Variants in FRAS1 observed in about 807,000 individuals in gnomAD.
FRAS1 encodes Fraser extracellular matrix complex subunit 1, also known as extracellular matrix organizing protein FRAS1.
Under a neutral mutation model 435.2 loss-of-function variants are expected in FRAS1, and 290 were observed. That is an observed-to-expected ratio of 0.67 (90% confidence interval 0.61 to 0.73). FRAS1 has a LOEUF of 0.73. Among genes scored for constraint, FRAS1 ranks in the 30% least tolerant of loss-of-function variants. The pLI, the probability that FRAS1 is intolerant of heterozygous loss-of-function variation, is 0.00. For synonymous variants in FRAS1, 1,800 were observed against 1,851.0 expected, an observed-to-expected ratio of 0.97 and a Z score of 0.71; for missense variants, 4,860 against 5,001.5, an observed-to-expected ratio of 0.97 and a Z score of 0.85.
At chr4:78,489,976 A>AG (rs1265790406) in intron 59 of FRAS1, among the ~76,000 whole-genome samples, 2 of 150,366 alleles carry the variant, frequency 1.3e-5, no homozygotes, top group Non-Finnish European at 3.0e-5. Flanking sequence ...AACAAAAAAA[A>AG]AAAAAAAAAA....
At chr4:78,164,761 C>T (rs575135166) in intron 2 of FRAS1, among the ~76,000 whole-genome samples, 4 of 152,214 alleles carry the variant, frequency 2.6e-5, no homozygotes, top group East Asian at 1.9e-4. Flanking sequence ...CTTTCATCAT[C>T]GTTTTCATGA....
At chr4:78,257,298 A>G (rs1259550823) in intron 6 of FRAS1, among the ~76,000 whole-genome samples, 2 of 152,178 alleles carry the variant, frequency 1.3e-5, no homozygotes, top group Non-Finnish European at 2.9e-5. Flanking sequence ...TTACACATTT[A>G]TATATAATAC....
chr4:78,532,909 A>G (rs1242285678), intron 70 of FRAS1, among the ~76,000 whole-genome samples: 2 of 152,180 alleles, frequency 1.3e-5, no homozygotes, highest in African/African-American at 2.4e-5. Flanking sequence ...TTGTTTACAA[A>G]TCTTAACTAT....
chr4:78,058,967 AG>A (rs1578097076), intron 1 of FRAS1, among the ~76,000 whole-genome samples: 1 of 152,150 alleles, frequency 6.6e-6, no homozygotes, highest in South Asian at 2.1e-4. Context: ...GTGCTTAGGG[AG>A]GGGGAAGGGA....
chr4:78,458,781 C>G (rs989727060), intron 47 of FRAS1, among the ~76,000 whole-genome samples: 1 of 152,156 alleles, frequency 6.6e-6, no homozygotes, highest in African/African-American at 2.4e-5. Context: ...AGATCAAATA[C>G]TTGATCTTAA....
At chr4:78,112,702 C>G (rs1353554778) in intron 2 of FRAS1, among the ~76,000 whole-genome samples, 1 of 151,980 alleles carries the variant, frequency 6.6e-6, no homozygotes, top group African/African-American at 2.4e-5. Context: ...AATGTCTATG[C>G]TTCATAGATA....
At chr4:78,147,639 C>G (rs1374376449) in intron 2 of FRAS1, among the ~76,000 whole-genome samples, 1 of 152,146 alleles carries the variant, frequency 6.6e-6, no homozygotes, top group Admixed American at 6.5e-5. Flanking sequence ...TGAGTTCATC[C>G]TTCAGTTCTG....
At chr4:78,150,981 A>G (rs1720633913) in intron 2 of FRAS1, among the ~76,000 whole-genome samples, 2 of 152,178 alleles carry the variant, frequency 1.3e-5, no homozygotes, top group South Asian at 2.1e-4. Context: ...ACCTTATAAT[A>G]TTTATTAAGT....
chr4:78,473,199 A>C (rs947695053), intron 52 of FRAS1, among the ~76,000 whole-genome samples: 2 of 152,192 alleles, frequency 1.3e-5, no homozygotes, highest in African/African-American at 4.8e-5. Context: ...TAACAGCATA[A>C]GAGATATTTA....
intron 38 of FRAS1, among the ~76,000 whole-genome samples, chr4:78,436,251 A>T (rs1313461516): frequency 6.6e-6 from 1 of 152,232 alleles, no homozygotes; most frequent in Non-Finnish European, 1.5e-5. Flanking sequence ...TGGTCAATAA[A>T]CATATGAAGA....
At chr4:78,071,836 A>C (rs910227661) in intron 2 of FRAS1, 5 of 152,230 alleles carry the variant, frequency 3.3e-5, no homozygotes, top group African/African-American at 1.2e-4. Context: ...TACTTAAAAT[A>C]CAGCCTCATG....
chr4:78,502,315 G>A (rs1372512381), intron 61 of FRAS1, among the ~76,000 whole-genome samples: 3 of 152,164 alleles, frequency 2.0e-5, no homozygotes, highest in African/African-American at 7.2e-5. Flanking sequence ...TGGGCAGTAT[G>A]GCCATTTTCA....
intron 2 of FRAS1, among the ~76,000 whole-genome samples, chr4:78,225,006 A>G (rs1291869249): frequency 3.9e-5 from 6 of 152,188 alleles, no homozygotes; most frequent in Non-Finnish European, 7.3e-5. Flanking sequence ...AATCCAGTGC[A>G]TGATAAATTG....
At chr4:78,335,337 G>T (rs1285502789) in intron 19 of FRAS1, among the ~76,000 whole-genome samples, 1 of 152,124 alleles carries the variant, frequency 6.6e-6, no homozygotes, top group Non-Finnish European at 1.5e-5. Flanking sequence ...GCCTCTTCTC[G>T]TGGCTAATTG....
chr4:78,164,515 A>T (rs1249129481), intron 2 of FRAS1, among the ~76,000 whole-genome samples: 1 of 152,184 alleles, frequency 6.6e-6, no homozygotes, highest in East Asian at 1.9e-4. Context: ...TAGTACTTAT[A>T]TAAAACACTA....
At chr4:78,355,650 C>T (rs1277145747) in intron 20 of FRAS1, among the ~76,000 whole-genome samples, 1 of 152,104 alleles carries the variant, frequency 6.6e-6, no homozygotes, top group Non-Finnish European at 1.5e-5. Context: ...GCAGAAGCTG[C>T]TAGAGTGGTG....
At chr4:78,294,123 C>T (rs1359258030) in intron 14 of FRAS1, among the ~76,000 whole-genome samples, 1 of 152,192 alleles carries the variant, frequency 6.6e-6, no homozygotes, top group Non-Finnish European at 1.5e-5. Flanking sequence ...CCATTCCCCA[C>T]CCAAGCACTG....
At chr4:78,133,931 T>A (rs1305951523) in intron 2 of FRAS1, among the ~76,000 whole-genome samples, 1 of 151,128 alleles carries the variant, frequency 6.6e-6, no homozygotes, top group Non-Finnish European at 1.5e-5. Flanking sequence ...TTAAGAAAGG[T>A]GAGGGAGCTG....
rs548289816 is a variant in FRAS1 at position 78,272,811 on chromosome 4, C to A, written c.981+5379C>A. Among the ~76,000 whole-genome samples the A allele has an allele frequency of 3.3e-5, 5 of 151,992 alleles. No individual in the cohort carries two copies. In the South Asian group the frequency reaches 1.0e-3, roughly 31 times the overall value. ...GCAATGCAGGCTCTTTTTTTGGTTCCATATGAACTTTAAAGTAGTTTTTTC... is the reference window on the plus strand; with the variant it reads ...GCAATGCAGGCTCTTTTTTTGGTTCAATATGAACTTTAAAGTAGTTTTTTC... On this transcript the variant is annotated intron_variant, in intron 9 of 73. Transcript: ENST00000512123.
Sources: gnomAD v4.1 joint callset for allele counts (sites outside exome capture counted in the v4.1 genomes callset) on GRCh38, gnomAD v4.1.1 for gene constraint, MANE v1.5 for transcripts, NCBI Gene and HGNC (gene_info 2026-07-23, HGNC 2026-07-21) for gene names.